Variants in ZNF280D observed in about 807,000 individuals in gnomAD.
The protein encoded by ZNF280D is zinc finger protein 280D, also known as suppressor of hairy wing homolog 4.
A neutral mutation model predicts 94.7 loss-of-function variants in ZNF280D; 39 were observed. That is an observed-to-expected ratio of 0.41 (90% CI 0.32 to 0.54). ZNF280D has a LOEUF of 0.54. ZNF280D is among the 20% of genes least tolerant of loss of function. ZNF280D has a pLI of 0.22. For synonymous variants in ZNF280D, 398 were observed against 377.6 expected, an observed-to-expected ratio of 1.05 and a Z score of -0.63; for missense variants, 1,090 against 1,149.3, an observed-to-expected ratio of 0.95 and a Z score of 0.75.
In ZNF280D at chr15:56,693,179, T is replaced by G. The variant is rs938053172; in HGVS notation, c.418A>C (p.Lys140Gln). The part of the protein sequence containing the change: ...ITNSSRVVSN[K>Q]SSELLFDLTQ... The stretch of plus-strand genomic sequence containing the variant: ...AAGTCAAACAGTAACTCTGATGACT[T>G]ATTAGACACAACTCGTGATGAGTTT... The change falls in exon 7 of 22, where the codon AAG becomes CAG. Residue 140 changes from lysine to glutamine, a missense_variant. Physicochemically the swap from Lys to Gln is moderately conservative, Grantham distance 53. Coordinates refer to ENST00000267807, the MANE Select transcript of ZNF280D (RefSeq NM_017661.4). The G allele has an allele frequency of 2.0e-5, 32 of 1,598,836 alleles. No individual in the cohort carries two copies. The highest frequency in any genetic ancestry group is 2.7e-5 in the African/African-American group (2 of 74,406).
intron 1 of ZNF280D, among the ~76,000 whole-genome samples, chr15:56,709,066 C>G (rs1313957061): frequency 3.9e-5 from 6 of 152,180 alleles, no homozygotes; most frequent in Non-Finnish European, 2.9e-5. Context: ...TCAGAGTGAA[C>G]AGGCAACCTA....
chr15:56,704,245 C>T lies in ZNF280D; in HGVS notation c.51G>A (p.Leu17=), dbSNP rs779369900. ...GCTCCTCTTCTTCACATTCCATAAA[C>T]AGTTCTGCCATTTTTGAATTACCTA... ...QPKSNSKMAE[L]FMECEEEELE... Residue 17 remains leucine, a synonymous_variant, in exon 4 of 22, where the codon CTG becomes CTA. Transcript: ENST00000267807. 2 of 1,605,870 alleles carry T rather than the reference C, an allele frequency of 1.2e-6. No individual in the cohort carries two copies. Among genetic ancestry groups the T allele is most frequent in the South Asian group, 2.3e-5 (2 of 88,352 alleles).
intron 16 of ZNF280D, among the ~76,000 whole-genome samples, chr15:56,665,636 T>C (rs552755444): frequency 7.3e-6 from 1 of 137,446 alleles, no homozygotes; most frequent in East Asian, 2.1e-4. Context: ...TCTTAAAGTC[T>C]CTCAAAGTGA....
chr15:56,666,329 T>A, intron 16 of ZNF280D, 66 bp downstream of exon 16: 1 of 1,561,796 alleles, frequency 6.4e-7, no homozygotes, highest in Non-Finnish European at 8.7e-7. Context: ...GATAACTTTG[T>A]TTTTGAAACA....
intron 17 of ZNF280D, among the ~76,000 whole-genome samples, chr15:56,657,896 A>G (rs1885764347): frequency 6.6e-6 from 1 of 152,166 alleles, no homozygotes; most frequent in South Asian, 2.1e-4. Context: ...ATAAAAATAC[A>G]TGTCCATACA....
chr15:56,702,207 G>T (rs2057123276), intron 4 of ZNF280D, among the ~76,000 whole-genome samples: 1 of 152,076 alleles, frequency 6.6e-6, no homozygotes, highest in Admixed American at 6.6e-5. Context: ...TCTTATTAGA[G>T]AAAGATCTAC....
chr15:56,689,234 T>C lies in ZNF280D; in HGVS notation c.670+66A>G. On this transcript the variant is annotated intron_variant, in intron 8 of 21. Transcript: ENST00000267807. ...CCACTAATAATACTTTTAAAATTTA[T>C]AGCCACTTCAAAAATGTATGTATAA... The C allele has an allele frequency of 7.1e-6, 11 of 1,548,354 alleles. No homozygotes were observed. The South Asian group carries it at 9.8e-5, about 14-fold the overall frequency.
At chr15:56,701,272 G>A in intron 4 of ZNF280D, 34 bp from the exon 5 acceptor site, 3 of 1,330,130 alleles carry the variant, frequency 2.3e-6, no homozygotes, top group Non-Finnish European at 2.1e-6. Flanking sequence ...AAAATACATT[G>A]TTTGAATGAA....
rs1343443069 is a variant in ZNF280D, at chr15:56,631,057, C to T, written c.*441G>A. ...ATGCCAATCAGCCATTGTTTTTAAT[C>T]AATTACTCCCCAAAAGTACATGGTT... On this transcript the variant is annotated 3_prime_UTR_variant, in exon 22 of 22. Coordinates refer to ENST00000267807, the MANE Select transcript of ZNF280D (RefSeq NM_017661.4). 6.3e-6 allele frequency: 1 copy of T among 158,866 alleles called. No individual in the cohort carries two copies. The highest frequency in any genetic ancestry group is 1.8e-4 in the East Asian group (1 of 5,562). 9.8% of individuals were successfully genotyped at this position (158,866 alleles called of 1,614,324 possible). A position where few individuals can be genotyped will look rare whatever the true frequency, so the allele number is the denominator to read the frequency against.
chr15:56,711,737 A>G (rs1278221141), intron 1 of ZNF280D, among the ~76,000 whole-genome samples: 3 of 152,202 alleles, frequency 2.0e-5, no homozygotes, highest in Admixed American at 6.5e-5. Flanking sequence ...AGCATTTAGA[A>G]ATCATTTTGT....
chr15:56,691,311 T>C (rs1451357083), intron 7 of ZNF280D, among the ~76,000 whole-genome samples: 6 of 152,146 alleles, frequency 3.9e-5, no homozygotes, highest in Non-Finnish European at 8.8e-5. Flanking sequence ...TTCAAAATAC[T>C]CGATTACTGA....
intron 10 of ZNF280D, among the ~76,000 whole-genome samples, chr15:56,680,507 C>T (rs1268370830): frequency 2.0e-5 from 3 of 152,086 alleles, no homozygotes; most frequent in East Asian, 3.8e-4. Context: ...GAGACCATCT[C>T]GTTCTGTTGC....
chr15:56,657,447 C>T (rs1415952480), intron 17 of ZNF280D, among the ~76,000 whole-genome samples: 4 of 151,986 alleles, frequency 2.6e-5, no homozygotes, highest in African/African-American at 7.2e-5. Context: ...ATATTGTTGG[C>T]GAGCCTTATT....
intron 21 of ZNF280D, among the ~76,000 whole-genome samples, chr15:56,633,865 C>A (rs1010957417): frequency 6.6e-6 from 1 of 151,804 alleles, no homozygotes; most frequent in Admixed American, 6.6e-5. Flanking sequence ...AAATATAAAT[C>A]TTTTTTTAAG....
chr15:56,652,051 A>C (rs2053238425), intron 19 of ZNF280D, among the ~76,000 whole-genome samples: 1 of 95,098 alleles, frequency 1.1e-5, no homozygotes, highest in Admixed American at 1.0e-4. Flanking sequence ...GAAAAAAAAA[A>C]AAACAACTAG....
In ZNF280D at chr15:56,690,339, G is replaced by A. The variant is rs142025240; in HGVS notation, c.500-869C>T. Among the ~76,000 whole-genome samples the A allele has an allele frequency of 3.7e-3, 564 of 152,106 alleles. 4 individuals carry two copies. Among genetic ancestry groups the A allele is most frequent in the African/African-American group, 0.013 (546 of 41,484 alleles). ...GGTGCTTGCAGTGAGCCGAGATCGCGCCACTGCACTCCAGCCTGGGCAACA... is the reference window on the plus strand; with the variant it reads ...GGTGCTTGCAGTGAGCCGAGATCGCACCACTGCACTCCAGCCTGGGCAACA... On this transcript the variant is annotated intron_variant, in intron 7 of 21. Transcript: ENST00000267807.
chr15:56,733,211 C>A (rs899492319), intron 1 of ZNF280D, among the ~76,000 whole-genome samples: 10 of 152,188 alleles, frequency 6.6e-5, no homozygotes, highest in South Asian at 2.1e-4. Context: ...GCGGCCCAGG[C>A]CTGCAGCAGC....
chr15:56,653,661 C>A lies in ZNF280D; in HGVS notation c.2213+537G>T, dbSNP rs542275777. On this transcript the variant is annotated intron_variant, in intron 19 of 21. Coordinates refer to ENST00000267807, the MANE Select transcript of ZNF280D (RefSeq NM_017661.4). ...GAATGAGAAAAAGACAATTATCTGG[C>A]CTAAAACTTAAGACGTATAAGAAAT... is the stretch of plus-strand genomic sequence containing the variant. 6.5e-6 allele frequency: 9 copies of A among 1,381,472 alleles called. No individual in the cohort carries two copies. In the South Asian group the frequency reaches 1.2e-4, roughly 18 times the overall value. The allele number at this position is 1,381,472 out of a possible 1,614,324, so 85.6% of individuals were successfully genotyped here. A position where few individuals can be genotyped will look rare whatever the true frequency, so the allele number is the denominator to read the frequency against.
At chr15:56,691,600 C>T (rs979455658) in intron 7 of ZNF280D, among the ~76,000 whole-genome samples, 2 of 152,168 alleles carry the variant, frequency 1.3e-5, no homozygotes, top group Non-Finnish European at 1.5e-5. Context: ...CAACAGCTCT[C>T]TCTCTGCTGG....
Sources: gnomAD v4.1 joint callset for allele counts (sites outside exome capture counted in the v4.1 genomes callset) on GRCh38, gnomAD v4.1.1 for gene constraint, MANE v1.5 for transcripts, NCBI Gene and HGNC (gene_info 2026-07-23, HGNC 2026-07-21) for gene names.